The following STK33 variants were observed in gnomAD, a reference collection of about 807,000 sequenced individuals.
STK33 encodes the protein serine/threonine-protein kinase 33.
STK33 carries 52 observed loss-of-function variants against 58.0 expected under a neutral mutation model. The ratio of observed to expected loss-of-function variants is 0.90; its 90% CI spans 0.72 to 1.13. STK33 has a LOEUF of 1.13. Ranked by LOEUF, STK33 falls within the 50% of genes most tolerant of loss-of-function variation. The probability of loss-of-function intolerance (pLI) is 0.00; values close to 1 mark genes in which losing one functional copy is unlikely to be tolerated. For synonymous variants in STK33, 215 were observed against 200.1 expected (o/e 1.07, Z -0.63); for missense variants, 630 against 604.2 (o/e 1.04, Z -0.45).
intron 1 of STK33, among the ~76,000 whole-genome samples, chr11:8,524,456 TAAA>T (rs1953853832): frequency 6.6e-6 from 1 of 152,082 alleles, no homozygotes; most frequent in African/African-American, 2.4e-5. Context: ...TTTAAACAGG[TAAA>T]GGAATTAAAT....
the STK33 span, among the ~76,000 whole-genome samples, chr11:8,369,000 C>T: frequency 2.0e-4 from 31 of 152,168 alleles, no homozygotes; most frequent in South Asian, 5.8e-3. Context: ...TATGGAATGC[C>T]GGTTAGGGGA....
chr11:8,536,972 ATTTTTTT>A (rs1232336873), intron 1 of STK33, among the ~76,000 whole-genome samples: 1 of 65,734 alleles, frequency 1.5e-5, no homozygotes, highest in Non-Finnish European at 2.5e-5. Context: ...AAAAAAAAAG[ATTTTTTT>A]TTTTTTTTTT....
intron 15 of STK33, among the ~76,000 whole-genome samples, chr11:8,401,692 A>C (rs1361719221): frequency 6.6e-6 from 1 of 152,230 alleles, no homozygotes; most frequent in East Asian, 1.9e-4. Context: ...CAACCTACAG[A>C]ATGGGAGAAA....
chr11:8,391,795 A>G (rs1464556556), downstream of STK33: 2 of 152,782 alleles, frequency 1.3e-5, no homozygotes, highest in African/African-American at 2.4e-5. Flanking sequence ...TTGCAGCAGT[A>G]GAACAAACTT....
At chr11:8,370,493 G>A in the STK33 span, among the ~76,000 whole-genome samples, 1 of 152,142 alleles carries the variant, frequency 6.6e-6, no homozygotes, top group African/African-American at 2.4e-5. Flanking sequence ...CACCCTGCCA[G>A]GCCCCAAAGC....
At chr11:8,587,697 G>A (rs577307783) in intron 1 of STK33, among the ~76,000 whole-genome samples, 17 of 152,286 alleles carry the variant, frequency 1.1e-4, no homozygotes, top group African/African-American at 4.1e-4. Flanking sequence ...TGAGGCTGTA[G>A]GGAAAATCTT....
chr11:8,346,994 C>T, the STK33 span, among the ~76,000 whole-genome samples: 1 of 152,198 alleles, frequency 6.6e-6, no homozygotes, highest in Admixed American at 6.5e-5. Context: ...CCACAGATGA[C>T]TGGGAAGGGA....
intron 7 of STK33, among the ~76,000 whole-genome samples, chr11:8,464,448 C>G (rs959363104): frequency 6.6e-6 from 1 of 152,190 alleles, no homozygotes; most frequent in Non-Finnish European, 1.5e-5. Context: ...TCAGCAAACT[C>G]TGGTAAAATT....
At chr11:8,513,178 A>G (rs1209095549) in intron 1 of STK33, among the ~76,000 whole-genome samples, 1 of 152,172 alleles carries the variant, frequency 6.6e-6, no homozygotes, top group Non-Finnish European at 1.5e-5. Context: ...GCCATCATGG[A>G]GAGCGTGTGG....
intron 13 of STK33, among the ~76,000 whole-genome samples, 192 bp downstream of exon 13, chr11:8,435,835 G>T (rs1176406892): frequency 1.3e-5 from 2 of 152,100 alleles, no homozygotes; most frequent in Non-Finnish European, 2.9e-5. Flanking sequence ...CTTTTACTAT[G>T]TATTTTCCGT....
rs150705953 is a variant in STK33, at chr11:8,573,639, T to C, written c.-466+20444A>G. On this transcript the variant is annotated intron_variant, in intron 1 of 15. Coordinates refer to ENST00000687296, the MANE Select transcript of STK33 (RefSeq NM_001352389.2). ...ACAGAAACTTGTACACAAACGTTCATAGCAGCTTTATCAGTAACCGTCAAA... is the reference window on the plus strand; with the variant it reads ...ACAGAAACTTGTACACAAACGTTCACAGCAGCTTTATCAGTAACCGTCAAA... 1.3e-4 allele frequency among the ~76,000 whole-genome samples: 20 copies of C among 152,352 alleles called. No individual in the cohort carries two copies. The East Asian group carries it at 3.1e-3, about 24-fold the overall frequency.
intron 1 of STK33, among the ~76,000 whole-genome samples, chr11:8,518,718 A>G (rs1953066557): frequency 6.6e-6 from 1 of 152,208 alleles, no homozygotes; most frequent in Non-Finnish European, 1.5e-5. Context: ...CAGACTTTAA[A>G]CCAACAAAGA....
chr11:8,559,060 T>C (rs1028444779), intron 1 of STK33, among the ~76,000 whole-genome samples: 3 of 152,186 alleles, frequency 2.0e-5, no homozygotes, highest in Admixed American at 6.5e-5. Context: ...GGCCAAACCC[T>C]AGAAAATGTA....
intron 1 of STK33, among the ~76,000 whole-genome samples, chr11:8,514,393 T>C (rs936018819): frequency 1.3e-5 from 2 of 152,054 alleles, no homozygotes; most frequent in Non-Finnish European, 2.9e-5. Context: ...AACCACTCTA[T>C]GGGGGAAAAA....
chr11:8,474,309 C>A (rs1416398515), intron 5 of STK33, among the ~76,000 whole-genome samples: 1 of 151,924 alleles, frequency 6.6e-6, no homozygotes, highest in Non-Finnish European at 1.5e-5. Context: ...AATAACAAAG[C>A]CATAACTACC....
intron 15 of STK33, among the ~76,000 whole-genome samples, chr11:8,401,854 C>T (rs1938047335): frequency 6.6e-6 from 1 of 152,132 alleles, no homozygotes; most frequent in Non-Finnish European, 1.5e-5. Context: ...AGCCAAAAGA[C>T]ACGTGAAAAA....
At chr11:8,490,857 TAAAAG>T (rs956594498) in intron 1 of STK33, among the ~76,000 whole-genome samples, 9 of 152,026 alleles carry the variant, frequency 5.9e-5, no homozygotes, top group African/African-American at 2.2e-4. Context: ...ATCTGACTGT[TAAAAG>T]GAAAACCAAC....
At chr11:8,354,503 CA>C in the STK33 span, among the ~76,000 whole-genome samples, 8 of 151,156 alleles carry the variant, frequency 5.3e-5, no homozygotes, top group Middle Eastern at 3.4e-3. Context: ...CACACACACA[CA>C]CACACACACA....
chr11:8,453,143 T>C (rs1946481451), intron 10 of STK33, among the ~76,000 whole-genome samples: 1 of 152,230 alleles, frequency 6.6e-6, no homozygotes, highest in Admixed American at 6.5e-5. Flanking sequence ...TACCATGATT[T>C]AACCATTCTT....
Sources: allele counts gnomAD v4.1 joint callset (sites outside exome capture counted in the v4.1 genomes callset), GRCh38; gene constraint gnomAD v4.1.1; transcripts MANE v1.5; gene names NCBI Gene and HGNC (gene_info 2026-07-23, HGNC 2026-07-21).